Variants in NDUFV2 observed in about 807,000 individuals in gnomAD.
The protein encoded by NDUFV2 is NADH dehydrogenase [ubiquinone] flavoprotein 2, mitochondrial.
In NDUFV2, 18 loss-of-function variants were observed where a neutral mutation model predicts 31.6. The observed-to-expected ratio is 0.57, with a 90% CI of 0.39 to 0.84. The LOEUF (loss-of-function observed/expected upper bound fraction) is 0.84. NDUFV2 is among the 40% of genes least tolerant of loss of function. The pLI is 0.00. For missense variants in NDUFV2, 314 were observed against 303.6 expected (o/e 1.03, Z -0.26); for synonymous variants, 83 against 99.8 (o/e 0.83, Z 1.01).
chr18:9,119,645 T>G, intron 4 of NDUFV2, 55 bp downstream of exon 4: 1 of 1,419,720 alleles, frequency 7.0e-7, no homozygotes, highest in Non-Finnish European at 1.0e-6. Context: ...TGTATGATAA[T>G]TTCCTTTTAT....
At chr18:9,133,667 A>G (rs1568198808) in intron 7 of NDUFV2, among the ~76,000 whole-genome samples, 2 of 152,236 alleles carry the variant, frequency 1.3e-5, no homozygotes, top group African/African-American at 4.8e-5. Context: ...ACAATGTATA[A>G]GTGTGTGTAT....
At chr18:9,110,938 A>G (rs1179833295) in intron 1 of NDUFV2, among the ~76,000 whole-genome samples, 1 of 152,226 alleles carries the variant, frequency 6.6e-6, no homozygotes, top group African/African-American at 2.4e-5. Flanking sequence ...TTGCAGGAAT[A>G]GAAGAGAAGG....
At chr18:9,133,856 C>G (rs1289027552) in intron 7 of NDUFV2, among the ~76,000 whole-genome samples, 1 of 152,196 alleles carries the variant, frequency 6.6e-6, no homozygotes, top group African/African-American at 2.4e-5. Context: ...AATTTGGTTT[C>G]TCTAACTGTA....
intron 4 of NDUFV2, 89 bp from the exon 5 acceptor site, chr18:9,122,424 C>A: frequency 8.3e-7 from 1 of 1,206,474 alleles, no homozygotes; most frequent in African/African-American, 1.5e-5. Context: ...CAAATTGAGA[C>A]AATATTGAAA....
Position 9,122,699 on chromosome 18 carries a change from T to C in NDUFV2, c.469+18T>C. The C allele has an allele frequency of 6.2e-7, 1 of 1,612,494 alleles. No homozygotes were observed. The highest frequency in any genetic ancestry group is 8.5e-7 in the Non-Finnish European group (1 of 1,178,712). On this transcript the variant is annotated intron_variant, in intron 5 of 7. Coordinates refer to ENST00000318388, the MANE Select transcript of NDUFV2 (RefSeq NM_021074.5). ...AAAGCTTGGTAGGGAATACATGATA[T>C]TTGTAACACTGATAAAAAGTAGAAT...
At chr18:9,106,184 G>A (rs555462683) in intron 1 of NDUFV2, among the ~76,000 whole-genome samples, 1 of 152,256 alleles carries the variant, frequency 6.6e-6, no homozygotes, top group South Asian at 2.1e-4. Context: ...AATGTATAGG[G>A]CTCCCTCCCC....
chr18:9,129,088 C>G (rs933576631), intron 7 of NDUFV2, among the ~76,000 whole-genome samples: 31 of 152,104 alleles, frequency 2.0e-4, no homozygotes, highest in African/African-American at 7.2e-4. Context: ...TAAGAACGTG[C>G]CACCACCATG....
intron 1 of NDUFV2, among the ~76,000 whole-genome samples, chr18:9,108,556 G>C (rs944800132): frequency 1.3e-5 from 2 of 151,278 alleles, no homozygotes; most frequent in Admixed American, 6.6e-5. Flanking sequence ...TAGATTTGTA[G>C]TTTATAGCAT....
At chr18:9,124,794 A>G (rs983130714) in intron 5 of NDUFV2, 80 bp from the exon 6 acceptor site, 3 of 1,325,974 alleles carry the variant, frequency 2.3e-6, no homozygotes, top group East Asian at 5.2e-5. Flanking sequence ...ATACCTCTAT[A>G]AAAATTCTTT....
chr18:9,127,279 C>G (rs2077999177), intron 7 of NDUFV2, among the ~76,000 whole-genome samples: 1 of 152,132 alleles, frequency 6.6e-6, no homozygotes, highest in South Asian at 2.1e-4. Context: ...AATGACAGCT[C>G]TTCAATTACT....
intron 1 of NDUFV2, among the ~76,000 whole-genome samples, chr18:9,114,945 A>C (rs1409146796): frequency 6.6e-6 from 1 of 152,250 alleles, no homozygotes; most frequent in Non-Finnish European, 1.5e-5. Context: ...AAGTAAAAGT[A>C]CATGACAGAT....
Position 9,119,456 on chromosome 18 carries a change from G to A in NDUFV2, c.184-18G>A, listed in dbSNP as rs745935737. On this transcript the variant is annotated intron_variant, in intron 3 of 7. Transcript: ENST00000318388. ...ATATTTTCTAGATGTATAAAATGAT[G>A]TTCTTTCTTTTATACAGAGGATAGA... The A allele has an allele frequency of 5.6e-6, 9 of 1,609,362 alleles. No homozygotes were observed. In the South Asian group the frequency reaches 7.7e-5, roughly 14 times the overall value.
At chr18:9,118,039 T>C (rs2077907947) in intron 2 of NDUFV2, 136 bp downstream of exon 2, 1 of 671,310 alleles carries the variant, frequency 1.5e-6, no homozygotes, top group Admixed American at 2.4e-5. Flanking sequence ...ATACAGCTAA[T>C]TGAATTTACT....
At chr18:9,130,350 A>G (rs992967333) in intron 7 of NDUFV2, among the ~76,000 whole-genome samples, 3 of 152,220 alleles carry the variant, frequency 2.0e-5, no homozygotes, top group African/African-American at 4.8e-5. Context: ...GTAATCATGA[A>G]TAGTTTTTCG....
At position 9,122,186 on chromosome 18, in the gene NDUFV2, A is replaced by C. The variant is rs368498434; in HGVS notation, c.301-327A>C. ...TATAAAATGTGAGTTGACATGATCA[A>C]AGTAGAAATTCTTAATAGTGAAATA... On this transcript the variant is annotated intron_variant, in intron 4 of 7. Coordinates refer to ENST00000318388, the MANE Select transcript of NDUFV2 (RefSeq NM_021074.5). Among the ~76,000 whole-genome samples, 38 of 152,338 alleles carry C rather than the reference A, an allele frequency of 2.5e-4. No individual in the cohort carries two copies. In the South Asian group the frequency reaches 5.4e-3, roughly 22 times the overall value.
chr18:9,126,907 G>C lies in NDUFV2; in HGVS notation c.656G>C (p.Arg219Thr). The C allele has an allele frequency of 6.2e-7, 1 of 1,612,300 alleles. No homozygotes were observed. Among genetic ancestry groups the C allele is most frequent in the Non-Finnish European group, 8.5e-7 (1 of 1,178,576 alleles). The change falls in exon 7 of 8, where the codon AGG (arginine) becomes ACG (threonine). Residue 219 changes from arginine (R) to threonine (T), a missense_variant and splice_region_variant. Transcript: ENST00000318388. ...GGCAAAATCCCAAAACCAGGGCCAA[G>C]GTATGCTTTATTTATATATAGGAAG... is the stretch of plus-strand genomic sequence containing the variant. ...KAGKIPKPGP[R>T]SGRFSCEPAG... is the part of the protein sequence containing the mutation.
Position 9,134,203 on chromosome 18 carries a change from G to A in NDUFV2, c.674G>A (p.Cys225Tyr). 6.2e-7 allele frequency: 1 copy of A among 1,613,472 alleles called. No homozygotes were observed. Among genetic ancestry groups the A allele is most frequent in the Non-Finnish European group, 8.5e-7 (1 of 1,179,806 alleles). ...CATTTCAGGAGTGGACGCTTCTCTTGTGAGCCAGCTGGAGGTCTTACCTCT... is the reference window on the plus strand; with the variant it reads ...CATTTCAGGAGTGGACGCTTCTCTTATGAGCCAGCTGGAGGTCTTACCTCT... ...KPGPRSGRFS[C>Y]EPAGGLTSLT... is the part of the protein sequence containing the mutation. Residue 225 changes from cysteine (C) to tyrosine (Y), a missense_variant, in exon 8 of 8, where the codon TGT becomes TAT. Coordinates refer to ENST00000318388, the MANE Select transcript of NDUFV2 (RefSeq NM_021074.5).
chr18:9,118,663 CGTAA>C (rs1396410650), intron 2 of NDUFV2, among the ~76,000 whole-genome samples: 5 of 152,114 alleles, frequency 3.3e-5, no homozygotes, highest in East Asian at 1.9e-4. Flanking sequence ...ATTAATTGAT[CGTAA>C]GTGTTAATCT....
intron 7 of NDUFV2, among the ~76,000 whole-genome samples, chr18:9,130,657 T>C (rs190810981): frequency 2.6e-5 from 4 of 152,328 alleles, no homozygotes; most frequent in Admixed American, 6.5e-5. Flanking sequence ...AATATAGTTA[T>C]AGTTATTCTA....
Sources: allele counts gnomAD v4.1 joint callset (sites outside exome capture counted in the v4.1 genomes callset), GRCh38; gene constraint gnomAD v4.1.1; transcripts MANE v1.5; gene names NCBI Gene and HGNC (gene_info 2026-07-23, HGNC 2026-07-21).